MAP7D1: variants seen among roughly 807,000 people sequenced by gnomAD.
MAP7D1 encodes MAP7 domain containing 1.
MAP7D1 carries 30 observed loss-of-function variants against 97.5 expected under a neutral mutation model. That is an observed-to-expected ratio of 0.31 (90% CI 0.23 to 0.42). MAP7D1 has a LOEUF of 0.42. Ranked by LOEUF, MAP7D1 falls within the 10% of genes least tolerant of loss-of-function variation. The pLI is 1.00. For missense variants in MAP7D1, 1,184 were observed against 1,179.5 expected (o/e 1.00, Z -0.06); for synonymous variants, 536 against 477.1 (o/e 1.12, Z -1.61).
At chr1:36,169,332 G>A (rs1181911804) in intron 1 of MAP7D1, among the ~76,000 whole-genome samples, 1 of 151,716 alleles carries the variant, frequency 6.6e-6, no homozygotes, top group Non-Finnish European at 1.5e-5. Context: ...TGAGGCGGGC[G>A]GATCATGAGG....
chr1:36,176,602 G>C lies in MAP7D1; in HGVS notation c.1233+21G>C, dbSNP rs764477037. ...CGCCGGTGAGTGGCTCTACTGGCTC[G>C]AGTGGCCGCGCAGGTGGGGACAGGC... On this transcript the variant is annotated intron_variant, in intron 7 of 16. Transcript: ENST00000474796. The surrounding 1 kb of genome is among the most constrained non-coding windows in gnomAD (Gnocchi z 6.1). 48 of 1,531,050 alleles carry C rather than the reference G, an allele frequency of 3.1e-5. 2 individuals carry two copies. The highest frequency in any genetic ancestry group is 3.8e-4 in the Middle Eastern group (2 of 5,288). 94.8% of individuals were successfully genotyped at this position (1,531,050 alleles called of 1,614,324 possible).
At chr1:36,177,499 G>A in intron 8 of MAP7D1, 1 of 497,962 alleles carries the variant, frequency 2.0e-6, no homozygotes, top group Non-Finnish European at 4.0e-6. Context: ...ACTCCAGCCT[G>A]GGGGTCAGCC....
chr1:36,161,635 A>C (rs1166957462), intron 1 of MAP7D1, among the ~76,000 whole-genome samples: 1 of 152,160 alleles, frequency 6.6e-6, no homozygotes, highest in African/African-American at 2.4e-5. Flanking sequence ...TGCTCCTGTT[A>C]ATCGGACTTT....
chr1:36,179,861 TC>T lies in MAP7D1; in HGVS notation c.2319-12del. The T allele has an allele frequency of 3.1e-6, 5 of 1,607,206 alleles. No homozygotes were observed. Among genetic ancestry groups the T allele is most frequent in the Non-Finnish European group, 4.3e-6 (5 of 1,175,836 alleles). On this transcript the variant is annotated splice_polypyrimidine_tract_variant and intron_variant, in intron 15 of 16. Transcript: ENST00000474796. ...GGAGGTGAGGTGCTGAGCCTTGGCC[TC>T]TGCATCCACAGTCTCCCAAGCAAGG...
At chr1:36,164,638 G>C (rs566408802) in intron 1 of MAP7D1, among the ~76,000 whole-genome samples, 8 of 152,148 alleles carry the variant, frequency 5.3e-5, no homozygotes. Flanking sequence ...TAGGAGAGGA[G>C]ATCCAAGAAG....
At chr1:36,164,015 G>A (rs1432971348) in intron 1 of MAP7D1, among the ~76,000 whole-genome samples, 1 of 151,624 alleles carries the variant, frequency 6.6e-6, no homozygotes, top group African/African-American at 2.4e-5. Flanking sequence ...AGTAGACATG[G>A]GGTTTTGCCA....
intron 8 of MAP7D1, chr1:36,177,618 G>A (rs1280482645): frequency 9.7e-6 from 7 of 719,282 alleles, no homozygotes; most frequent in Non-Finnish European, 1.8e-5. Flanking sequence ...GCTAACCCAA[G>A]CATGGTTTTT....
chr1:36,179,747 C>A lies in MAP7D1; in HGVS notation c.2309C>A (p.Pro770His). 6.5e-7 allele frequency: 1 copy of A among 1,526,768 alleles called. No homozygotes were observed. Among genetic ancestry groups the A allele is most frequent in the East Asian group, 2.3e-5 (1 of 43,482 alleles). 94.6% of individuals were successfully genotyped at this position (1,526,768 alleles called of 1,614,324 possible). A position where few individuals can be genotyped will look rare whatever the true frequency, so the allele number is the denominator to read the frequency against. ...VQKEEPIPQEPQWSLPSKELP... is the reference protein window; with the variant it reads ...VQKEEPIPQEHQWSLPSKELP... ...AAAGAGGAGCCCATCCCACAGGAGCCTCAGTGGAGGTACCAGCTTCCAATC... is the reference window on the plus strand; with the variant it reads ...AAAGAGGAGCCCATCCCACAGGAGCATCAGTGGAGGTACCAGCTTCCAATC... The change falls in exon 15 of 17, where the codon CCT (proline) becomes CAT (histidine). Residue 770 changes from proline to histidine, a missense_variant. By Grantham distance (77) the Pro-to-His change is moderately conservative (BLOSUM62 -2). Coordinates refer to ENST00000474796, the MANE Select transcript of MAP7D1 (RefSeq NM_001388490.1).
At chr1:36,168,739 G>A (rs1393674770) in intron 1 of MAP7D1, among the ~76,000 whole-genome samples, 1 of 152,156 alleles carries the variant, frequency 6.6e-6, no homozygotes, top group Non-Finnish European at 1.5e-5. Flanking sequence ...ATAATTTATT[G>A]CGTAACACCT....
At chr1:36,167,813 A>G (rs1310000860) in intron 1 of MAP7D1, among the ~76,000 whole-genome samples, 1 of 151,976 alleles carries the variant, frequency 6.6e-6, no homozygotes, top group Non-Finnish European at 1.5e-5. Flanking sequence ...CTTGCTGGGG[A>G]CTCACTGACT....
At chr1:36,161,485 A>T (rs530619795) in intron 1 of MAP7D1, among the ~76,000 whole-genome samples, 1 of 152,342 alleles carries the variant, frequency 6.6e-6, no homozygotes, top group Admixed American at 6.5e-5. Flanking sequence ...TGTGGAGCTT[A>T]AGTAAGTGTC....
rs1053845253 is a variant in MAP7D1, at chr1:36,180,178, C to T, written c.2513-70C>T. On this transcript the variant is annotated intron_variant, in intron 16 of 16. Coordinates refer to ENST00000474796, the MANE Select transcript of MAP7D1 (RefSeq NM_001388490.1). ...GCCAGGCACCCTCTCCTGCTCCACC[C>T]TGAAGACCCCCAGCTATCTGGGCTT... The T allele has an allele frequency of 1.9e-6, 3 of 1,612,250 alleles. No homozygotes were observed. The African/African-American group carries it at 4.0e-5, about 22-fold the overall frequency.
At chr1:36,179,165 C>G (rs1570169784) in intron 12 of MAP7D1, 97 bp from the exon 13 acceptor site, 2 of 1,509,078 alleles carry the variant, frequency 1.3e-6, no homozygotes, top group East Asian at 4.6e-5. Flanking sequence ...CTGCTATGAG[C>G]TGGGAGGCCC....
rs780221843 is a variant in MAP7D1, at chr1:36,171,304, C to T, written c.380C>T (p.Pro127Leu). Residue 127 changes from proline (P) to leucine (L), a missense_variant, in exon 2 of 17, where the codon CCC becomes CTC. By Grantham distance (98) the Pro-to-Leu change is moderately conservative. Coordinates refer to ENST00000474796, the MANE Select transcript of MAP7D1 (RefSeq NM_001388490.1). ...GCAGTGCCAGCCTCCGACAGCCCTCCCACCAAGCAAGGTGTGTGTAATGAC... is the reference window on the plus strand; with the variant it reads ...GCAGTGCCAGCCTCCGACAGCCCTCTCACCAAGCAAGGTGTGTGTAATGAC... ...PTAVPASDSPPTKQEVKKAGE... is the reference protein window; with the variant it reads ...PTAVPASDSPLTKQEVKKAGE... 1 of 1,564,294 alleles carries T rather than the reference C, an allele frequency of 6.4e-7. No individual in the cohort carries two copies. The highest frequency in any genetic ancestry group is 8.7e-7 in the Non-Finnish European group (1 of 1,154,254).
chr1:36,177,818 C>G, intron 8 of MAP7D1, 55 bp from the exon 9 acceptor site: 1 of 1,519,572 alleles, frequency 6.6e-7, no homozygotes, highest in Non-Finnish European at 8.8e-7. Context: ...GGAACAAGTT[C>G]TCAGCGTGTG....
rs1042824965 is a variant in MAP7D1, at chr1:36,180,679, CCTCT to C, written c.*426_*429del. 4.2e-6 allele frequency: 1 copy of C among 237,756 alleles called. No homozygotes were observed. The highest frequency in any genetic ancestry group is 2.2e-5 in the African/African-American group (1 of 44,544). The allele number at this position is 237,756 out of a possible 1,614,324, so 14.7% of individuals were successfully genotyped here. On this transcript the variant is annotated 3_prime_UTR_variant, in exon 17 of 17. Transcript: ENST00000474796. ...CCCCAAAGCCCCCTGGGGAGATCTT[CCTCT>C]CTCTATTTAACTGTAACTGAGGGGG...
At chr1:36,173,600 G>A (rs1644578398) in intron 5 of MAP7D1, 122 bp downstream of exon 5, 1 of 659,986 alleles carries the variant, frequency 1.5e-6, no homozygotes, top group East Asian at 2.9e-5. Context: ...TGCTTTATGT[G>A]ACTTGTGTCT....
chr1:36,168,063 G>A (rs1644494446), intron 1 of MAP7D1, among the ~76,000 whole-genome samples: 1 of 152,174 alleles, frequency 6.6e-6, no homozygotes, highest in African/African-American at 2.4e-5. Context: ...TTGGGAGGCT[G>A]AGGAGGGCGG....
Position 36,178,358 on chromosome 1 carries a change from T to G in MAP7D1, c.1709-61T>G, listed in dbSNP as rs1644661210. On this transcript the variant is annotated intron_variant, in intron 9 of 16. Transcript: ENST00000474796. ...GTCCCAGGCCCAGAACACAGGCCGCTGGGAGATGACGGCGGTGTCTGCGTG... is the reference window on the plus strand; with the variant it reads ...GTCCCAGGCCCAGAACACAGGCCGCGGGGAGATGACGGCGGTGTCTGCGTG... 23 of 1,545,762 alleles carry G rather than the reference T, an allele frequency of 1.5e-5. 1 individual carries two copies. The South Asian group carries it at 2.7e-4, about 18-fold the overall frequency.
Sources: allele counts gnomAD v4.1 joint callset (sites outside exome capture counted in the v4.1 genomes callset), GRCh38; gene constraint gnomAD v4.1.1; non-coding constraint Gnocchi (gnomAD v3.1); transcripts MANE v1.5; gene names NCBI Gene and HGNC (gene_info 2026-07-23, HGNC 2026-07-21).